The following ZNF384 variants were observed in gnomAD, a reference collection of about 807,000 sequenced individuals.
ZNF384 encodes the protein zinc finger protein 384, also known as CAG repeat protein 1.
Under a neutral mutation model 65.0 loss-of-function variants are expected in ZNF384, and 20 were observed. The ratio of observed to expected loss-of-function variants is 0.31; its 90% CI spans 0.22 to 0.45. ZNF384 has a LOEUF of 0.45. ZNF384 is among the 20% of genes least tolerant of loss of function. The probability of loss-of-function intolerance (pLI) is 1.00; values close to 1 mark genes in which losing one functional copy is unlikely to be tolerated. For synonymous variants in ZNF384, 310 were observed against 303.9 expected (o/e 1.02, Z -0.21); for missense variants, 549 against 769.4 (o/e 0.71, Z 3.39).
At chr12:6,684,370 T>C (rs1043156758) in intron 2 of ZNF384, among the ~76,000 whole-genome samples, 1 of 152,140 alleles carries the variant, frequency 6.6e-6, no homozygotes, top group Admixed American at 6.5e-5. Flanking sequence ...TTCCAGCTAG[T>C]TCTCAAAAAA....
chr12:6,669,285 C>A, intron 10 of ZNF384, 96 bp from the exon 11 acceptor site: 1 of 1,174,138 alleles, frequency 8.5e-7, no homozygotes, highest in South Asian at 1.6e-5. Context: ...TGTCAGGCCT[C>A]CCAGCTTCTC....
rs761598315 is a variant in ZNF384 at position 6,667,585 on chromosome 12, C to T, written c.*129G>A. 6 of 1,215,486 alleles carry T rather than the reference C, an allele frequency of 4.9e-6. No individual in the cohort carries two copies. Among genetic ancestry groups the T allele is most frequent in the Middle Eastern group, 1.9e-4 (1 of 5,346 alleles). The allele number at this position is 1,215,486 out of a possible 1,614,324, so 75.3% of individuals were successfully genotyped here. ...AGGATGGTATCCTGTGAAGGAAAGC[C>T]GTGACAGAGGCCCAAGGAGATGGAG... On this transcript the variant is annotated 3_prime_UTR_variant, in exon 12 of 12. Transcript: ENST00000683879.
chr12:6,677,712 G>A (rs757354197), intron 6 of ZNF384, among the ~76,000 whole-genome samples: 3 of 152,036 alleles, frequency 2.0e-5, no homozygotes, highest in Non-Finnish European at 4.4e-5. Context: ...GTTCAAATGC[G>A]ACCCAGGAAC....
intron 2 of ZNF384, among the ~76,000 whole-genome samples, chr12:6,683,207 C>T (rs975696775): frequency 6.6e-6 from 1 of 151,664 alleles, no homozygotes; most frequent in African/African-American, 2.4e-5. Context: ...AGGAGAATTG[C>T]TTGAACCCAG....
chr12:6,680,870 T>G (rs890515619), intron 2 of ZNF384, among the ~76,000 whole-genome samples: 1 of 152,074 alleles, frequency 6.6e-6, no homozygotes, highest in African/African-American at 2.4e-5. Context: ...ATAGGCATGA[T>G]AGTAGGCCAG....
At position 6,672,108 on chromosome 12, in the gene ZNF384, T is replaced by C. The variant is rs961324734; in HGVS notation, c.1187+242A>G. The stretch of plus-strand genomic sequence containing the variant: ...ACTCCAGGTACGTGTCTGTCTCCCA[T>C]GGATCAGTGAATATCATATAGTCAC... On this transcript the variant is annotated intron_variant, in intron 9 of 11. Transcript: ENST00000683879. This position sits in a 1 kb window ranked among gnomAD's most constrained non-coding sequence, Gnocchi z 4.4. The C allele has an allele frequency of 4.2e-6, 2 of 475,746 alleles. No individual in the cohort carries two copies. Among genetic ancestry groups the C allele is most frequent in the African/African-American group, 3.9e-5 (2 of 51,228 alleles). The allele number at this position is 475,746 out of a possible 1,614,324, so 29.5% of individuals were successfully genotyped here. A position where few individuals can be genotyped will look rare whatever the true frequency, so the allele number is the denominator to read the frequency against.
rs1196775584 is a variant in ZNF384 at position 6,678,138 on chromosome 12, G to A, written c.675C>T (p.Gly225=). 1 of 1,611,504 alleles carries A rather than the reference G, an allele frequency of 6.2e-7. No individual in the cohort carries two copies. The highest frequency in any genetic ancestry group is 8.5e-7 in the Non-Finnish European group (1 of 1,178,042). ...PEDDDDHQKD[G]KTYRSEGNCG... is the part of the protein sequence containing the mutation. ...GCTCTGAGTCTTACCTGTAGGTCTT[G>A]CCGTCTTTCTGATGGTCATCATCAT... The change falls in exon 6 of 12, where the codon GGC becomes GGT. Residue 225 remains glycine (G), a synonymous_variant. Transcript: ENST00000683879. This position sits in a 1 kb window ranked among gnomAD's most constrained non-coding sequence, Gnocchi z 4.9.
intron 10 of ZNF384, among the ~76,000 whole-genome samples, chr12:6,670,441 G>A (rs1404372944): frequency 6.6e-6 from 1 of 152,062 alleles, no homozygotes; most frequent in Non-Finnish European, 1.5e-5. Flanking sequence ...ATAAAAAATA[G>A]ACACCTGCAA....
chr12:6,678,885 G>T lies in ZNF384; in HGVS notation c.304+61C>A. ...CTCCCCATGTCCTTGGAGCCCTCCA[G>T]CCTGGGGTACTGATCATGGAAGATC... On this transcript the variant is annotated intron_variant, in intron 4 of 11. Transcript: ENST00000683879. The surrounding 1 kb of genome is among the most constrained non-coding windows in gnomAD (Gnocchi z 4.9). 3 of 1,560,324 alleles carry T rather than the reference G, an allele frequency of 1.9e-6. No individual in the cohort carries two copies. Among genetic ancestry groups the T allele is most frequent in the Non-Finnish European group, 2.6e-6 (3 of 1,134,930 alleles).
Position 6,679,005 on chromosome 12 carries a change from G to A in ZNF384, c.245C>T (p.Ala82Val), listed in dbSNP as rs1006798292. Residue 82 changes from alanine to valine, a missense_variant, in exon 4 of 12, where the codon GCG (alanine) becomes GTG (valine). Ala to Val is a moderately conservative substitution (Grantham distance 64, BLOSUM62 0). Transcript: ENST00000683879. ...KSDQLTPHSQASVTQNITVVP... is the reference protein window; with the variant it reads ...KSDQLTPHSQVSVTQNITVVP... ...CACCGTGATATTCTGGGTAACGGAC[G>A]CTTGGCTGTGTGGGGTCAGCTGGTC... The A allele has an allele frequency of 2.5e-6, 4 of 1,613,936 alleles. No individual in the cohort carries two copies. The highest frequency in any genetic ancestry group is 2.7e-5 in the African/African-American group (2 of 74,870).
In ZNF384 at chr12:6,678,556, AC is replaced by A. The variant is rs967532440; in HGVS notation, c.353-97del. 28 of 1,379,186 alleles carry A rather than the reference AC, an allele frequency of 2.0e-5. No individual in the cohort carries two copies. The highest frequency in any genetic ancestry group is 2.7e-5 in the Non-Finnish European group (27 of 996,154). 85.4% of individuals were successfully genotyped at this position (1,379,186 alleles called of 1,614,324 possible). ...CAGATCATTGTCTAATTAACCCCTCACCCCCCCGCCGACCCAACCCAGAGTA... is the reference window on the plus strand; with the variant it reads ...CAGATCATTGTCTAATTAACCCCTCACCCCCCGCCGACCCAACCCAGAGTA... On this transcript the variant is annotated intron_variant, in intron 5 of 11. Transcript: ENST00000683879. This position sits in a 1 kb window ranked among gnomAD's most constrained non-coding sequence, Gnocchi z 4.9.
intron 7 of ZNF384, among the ~76,000 whole-genome samples, chr12:6,676,283 AGAGC>A (rs892104724): frequency 6.6e-6 from 1 of 152,204 alleles, no homozygotes; most frequent in Non-Finnish European, 1.5e-5. Flanking sequence ...CCTGGGCGAC[AGAGC>A]GAGACTCCGT....
At chr12:6,684,147 T>C (rs181228144) in intron 2 of ZNF384, among the ~76,000 whole-genome samples, 1 of 152,278 alleles carries the variant, frequency 6.6e-6, no homozygotes, top group East Asian at 1.9e-4. Context: ...AACAATGAGG[T>C]AGGTACTGTA....
chr12:6,674,753 G>T (rs1347262055), intron 7 of ZNF384, among the ~76,000 whole-genome samples: 1 of 152,216 alleles, frequency 6.6e-6, no homozygotes, highest in East Asian at 1.9e-4. Context: ...TTTCTGGTCT[G>T]TAAAATGGAA....
intron 2 of ZNF384, among the ~76,000 whole-genome samples, chr12:6,682,142 TGAAAAAAAAAAAAGAAAAA>T (rs1188658346): frequency 2.4e-5 from 3 of 125,696 alleles, no homozygotes; most frequent in Non-Finnish European, 5.1e-5. Flanking sequence ...AAAAAAAAAT[TGAAAAAAAAAAAAGAAAAA>T]GAAAAAAAAA....
intron 2 of ZNF384, among the ~76,000 whole-genome samples, chr12:6,684,006 G>A (rs1957047792): frequency 6.6e-6 from 1 of 151,600 alleles, no homozygotes; most frequent in African/African-American, 2.4e-5. Flanking sequence ...AACAGAGTGA[G>A]AATCCGTCTC....
Position 6,678,424 on chromosome 12 carries a change from A to G in ZNF384, c.389T>C (p.Leu130Pro). 1 of 1,600,702 alleles carries G rather than the reference A, an allele frequency of 6.2e-7. No individual in the cohort carries two copies. Among genetic ancestry groups the G allele is most frequent in the Non-Finnish European group, 8.5e-7 (1 of 1,173,320 alleles). The part of the protein sequence containing the change: ...GLVITSPSGS[L>P]VTTASSAQTF... ...CTGAGCTGATGATGCTGTGGTCACA[A>G]GAGAGCCTGAGGGGGACGTGATTAC... is the stretch of plus-strand genomic sequence containing the variant. Residue 130 changes from leucine to proline, a missense_variant, in exon 6 of 12, where the codon CTT becomes CCT. Transcript: ENST00000683879. This position sits in a 1 kb window ranked among gnomAD's most constrained non-coding sequence, Gnocchi z 4.9.
intron 7 of ZNF384, among the ~76,000 whole-genome samples, chr12:6,674,262 G>A (rs983111147): frequency 3.3e-5 from 5 of 152,176 alleles, no homozygotes; most frequent in Non-Finnish European, 7.3e-5. Flanking sequence ...GCACCTGATC[G>A]TACTTTCACT....
intron 2 of ZNF384, among the ~76,000 whole-genome samples, chr12:6,680,898 A>G (rs1417929225): frequency 6.6e-6 from 1 of 152,100 alleles, no homozygotes; most frequent in African/African-American, 2.4e-5. Flanking sequence ...ACACAGTGCC[A>G]GACTCCTGCT....
Sources: allele counts gnomAD v4.1 joint callset (sites outside exome capture counted in the v4.1 genomes callset), GRCh38; gene constraint gnomAD v4.1.1; non-coding constraint Gnocchi (gnomAD v3.1); transcripts MANE v1.5; gene names NCBI Gene and HGNC (gene_info 2026-07-23, HGNC 2026-07-21).